The following TEX9 variants were observed in gnomAD, a reference collection of about 807,000 sequenced individuals.
TEX9 encodes testis expressed 9, also known as testis-expressed protein 9.
Under a neutral mutation model 59.6 loss-of-function variants are expected in TEX9, and 74 were observed. The observed-to-expected ratio is 1.24, with a 90% CI of 1.03 to 1.51. The LOEUF is 1.51. TEX9 is among the 40% of genes most tolerant of loss of function. The pLI is 0.00. For missense variants in TEX9, 522 were observed against 447.8 expected (o/e 1.17, Z -1.49); for synonymous variants, 186 against 152.2 (o/e 1.22, Z -1.64).
Position 56,315,858 on chromosome 15 carries a change from T to C in TEX9, c.-106-57583T>C, listed in dbSNP as rs539090338. Among the ~76,000 whole-genome samples, 109 of 149,778 alleles carry C rather than the reference T, an allele frequency of 7.3e-4. 1 individual carries two copies. The highest frequency in any genetic ancestry group is 2.4e-3 in the African/African-American group (101 of 41,272). The stretch of plus-strand genomic sequence containing the variant: ...GGAGGCTTTGCTCATTTCTTTTTAT[T>C]ATTTTTTCTCTAAACTTCCCTTCTA... On this transcript the variant is annotated intron_variant, in intron 1 of 5. Coordinates refer to the TEX9 transcript ENST00000560827.
chr15:56,312,737 G>A (rs368517149), intron 1 of TEX9, among the ~76,000 whole-genome samples: 12 of 110,774 alleles, frequency 1.1e-4, no homozygotes, highest in Admixed American at 4.8e-4. Context: ...ACCTTGGGCA[G>A]TATGGCCATT....
chr15:56,269,047 G>A (rs1345435621), intron 1 of TEX9, among the ~76,000 whole-genome samples: 1 of 152,102 alleles, frequency 6.6e-6, no homozygotes, highest in Non-Finnish European at 1.5e-5. Flanking sequence ...TCCTTGTTTA[G>A]TCTTGGGAGG....
At chr15:56,374,122 T>C (rs1201116063) in intron 3 of TEX9, 2 of 151,950 alleles carry the variant, frequency 1.3e-5, no homozygotes, top group Non-Finnish European at 2.9e-5. Flanking sequence ...AATTAAATGT[T>C]TTACTACAAA....
the TEX9 span, among the ~76,000 whole-genome samples, chr15:56,451,529 A>C: frequency 6.6e-6 from 1 of 152,158 alleles, no homozygotes; most frequent in African/African-American, 2.4e-5. Flanking sequence ...GAGAGACAGG[A>C]GCTGGGAGCT....
chr15:56,394,216 T>C, exon 8 of TEX9: 1 of 1,608,878 alleles, frequency 6.2e-7, no homozygotes, highest in Non-Finnish European at 8.5e-7. Flanking sequence ...CAGGAGGAAT[T>C]GGATAATGTT....
chr15:56,330,551 A>T (rs1170969253), intron 1 of TEX9, among the ~76,000 whole-genome samples: 1 of 152,186 alleles, frequency 6.6e-6, no homozygotes, highest in African/African-American at 2.4e-5. Flanking sequence ...TAGAAATTTT[A>T]TTAGTTTTCT....
At chr15:56,425,442 A>T (rs2050193992) in intron 10 of TEX9, among the ~76,000 whole-genome samples, 1 of 152,034 alleles carries the variant, frequency 6.6e-6, no homozygotes, top group Admixed American at 6.6e-5. Context: ...GCTCATTTCA[A>T]ATGACCTGTC....
intron 1 of TEX9, among the ~76,000 whole-genome samples, chr15:56,305,446 AC>A (rs1360587969): frequency 1.3e-5 from 2 of 152,148 alleles, no homozygotes; most frequent in African/African-American, 4.8e-5. Flanking sequence ...AAGAAACAGA[AC>A]AGAGAACCCA....
chr15:56,363,854 T>TC (rs1437493594), upstream of TEX9, among the ~76,000 whole-genome samples: 3 of 150,726 alleles, frequency 2.0e-5, no homozygotes, highest in Non-Finnish European at 3.0e-5. Context: ...TATTTCCTTT[T>TC]TTTTTTTTTG....
chr15:56,277,609 T>G (rs1283804364), intron 1 of TEX9, among the ~76,000 whole-genome samples: 6 of 152,252 alleles, frequency 3.9e-5, no homozygotes, highest in African/African-American at 1.4e-4. Context: ...GCATGTTGCC[T>G]CCAGCTTTGT....
intron 1 of TEX9, among the ~76,000 whole-genome samples, chr15:56,310,068 T>C (rs1305213584): frequency 6.6e-6 from 1 of 151,852 alleles, no homozygotes; most frequent in African/African-American, 2.4e-5. Context: ...CAGCCTTGAG[T>C]TTTCTTAGGC....
chr15:56,318,947 A>C (rs1247883912), intron 1 of TEX9, among the ~76,000 whole-genome samples: 1 of 152,164 alleles, frequency 6.6e-6, no homozygotes, highest in Non-Finnish European at 1.5e-5. Context: ...ACTCTACGCT[A>C]TTACAACCCT....
chr15:56,368,961 T>C (rs528802161), intron 2 of TEX9, among the ~76,000 whole-genome samples: 63 of 152,244 alleles, frequency 4.1e-4, no homozygotes, highest in African/African-American at 1.5e-3. Context: ...TTTTTTGTTT[T>C]TTAGTTTATT....
intron 1 of TEX9, among the ~76,000 whole-genome samples, chr15:56,248,328 T>A (rs771947610): frequency 6.6e-6 from 1 of 152,208 alleles, no homozygotes; most frequent in Non-Finnish European, 1.5e-5. Context: ...AGCACAAATA[T>A]GTCATTATGT....
At chr15:56,359,245 T>C (rs1419004930) in intron 1 of TEX9, among the ~76,000 whole-genome samples, 1 of 152,204 alleles carries the variant, frequency 6.6e-6, no homozygotes, top group East Asian at 1.9e-4. Flanking sequence ...TATTTTAATT[T>C]GGTGGCATTA....
At chr15:56,324,393 A>G (rs2045973802) in intron 1 of TEX9, among the ~76,000 whole-genome samples, 1 of 152,202 alleles carries the variant, frequency 6.6e-6, no homozygotes, top group South Asian at 2.1e-4. Context: ...TATAATTTTA[A>G]TATACACCTT....
At chr15:56,434,044 C>A in intron 12 of TEX9, 1 of 1,318,614 alleles carries the variant, frequency 7.6e-7, no homozygotes, top group Non-Finnish European at 1.0e-6. Context: ...CATTGTCTGG[C>A]ATATAAAGCT....
At chr15:56,442,974 G>A (rs1366673432) in intron 12 of TEX9, among the ~76,000 whole-genome samples, 1 of 151,702 alleles carries the variant, frequency 6.6e-6, no homozygotes, top group African/African-American at 2.4e-5. Context: ...GTTTTTGTCA[G>A]TTTTGCTTCA....
At chr15:56,357,005 T>C (rs1463536473) in intron 1 of TEX9, among the ~76,000 whole-genome samples, 5 of 152,124 alleles carry the variant, frequency 3.3e-5, no homozygotes, top group African/African-American at 4.8e-5. Context: ...TCAAAAGAGA[T>C]AGGGCTATAA....
Sources: gnomAD v4.1 joint callset for allele counts (sites outside exome capture counted in the v4.1 genomes callset) on GRCh38, gnomAD v4.1.1 for gene constraint, MANE v1.5 for transcripts, NCBI Gene and HGNC (gene_info 2026-07-23, HGNC 2026-07-21) for gene names.